Variants in SLC16A1 observed in about 807,000 individuals in gnomAD.
SLC16A1 encodes monocarboxylate transporter 1.
Under a neutral mutation model 32.2 loss-of-function variants are expected in SLC16A1, and 11 were observed. The ratio of observed to expected loss-of-function variants is 0.34; its 90% confidence interval spans 0.21 to 0.56. The LOEUF (loss-of-function observed/expected upper bound fraction) is 0.56. Among genes scored for constraint, SLC16A1 ranks in the 20% least tolerant of loss-of-function variants. The pLI, the probability that SLC16A1 is intolerant of heterozygous loss-of-function variation, is 0.87. For missense variants in SLC16A1, 435 were observed against 615.0 expected, an observed-to-expected ratio of 0.71 and a Z score of 3.10; for synonymous variants, 231 against 226.8, an observed-to-expected ratio of 1.02 and a Z score of -0.17.
chr1:112,935,358 G>A (rs1221490777), intron 1 of SLC16A1, among the ~76,000 whole-genome samples: 1 of 152,092 alleles, frequency 6.6e-6, no homozygotes, highest in Non-Finnish European at 1.5e-5. Flanking sequence ...GCAGTGAGCT[G>A]AGATTGCACT....
At chr1:112,945,728 C>T (rs1231744686) in intron 1 of SLC16A1, among the ~76,000 whole-genome samples, 1 of 151,180 alleles carries the variant, frequency 6.6e-6, no homozygotes. Context: ...TGCGGTGGCT[C>T]ACACCTGTAA....
chr1:112,919,121 C>T (rs1305399809), intron 3 of SLC16A1, among the ~76,000 whole-genome samples: 1 of 151,978 alleles, frequency 6.6e-6, no homozygotes, highest in Non-Finnish European at 1.5e-5. Flanking sequence ...ACCTCCACCT[C>T]CCGGGTTCAC....
At chr1:112,952,663 G>A (rs1649937526) in intron 1 of SLC16A1, among the ~76,000 whole-genome samples, 1 of 152,180 alleles carries the variant, frequency 6.6e-6, no homozygotes, top group East Asian at 1.9e-4. Flanking sequence ...TCTGGGGAAA[G>A]TAGATAGGGG....
At chr1:112,934,635 G>A (rs960833168) in intron 1 of SLC16A1, among the ~76,000 whole-genome samples, 2 of 152,120 alleles carry the variant, frequency 1.3e-5, no homozygotes, top group Non-Finnish European at 2.9e-5. Flanking sequence ...AAAAGGAGAG[G>A]GCAGGCAAAC....
Position 112,913,579 on chromosome 1 carries a change from C to G in SLC16A1, c.*312G>C. The G allele has an allele frequency of 3.1e-6, 1 of 321,556 alleles. No homozygotes were observed. The highest frequency in any genetic ancestry group is 4.4e-5 in the South Asian group (1 of 22,518). The allele number at this position is 321,556 out of a possible 1,614,324, so 19.9% of individuals were successfully genotyped here. A position where few individuals can be genotyped will look rare whatever the true frequency, so the allele number is the denominator to read the frequency against. On this transcript the variant is annotated 3_prime_UTR_variant, in exon 5 of 5. Coordinates refer to ENST00000369626, the MANE Select transcript of SLC16A1 (RefSeq NM_003051.4). ...GCAAAAATGGTTTAAGAAGTTAAGG[C>G]TCTCTAGAGTTCTAAAGACTAAAAC...
rs1056379422 is a variant in SLC16A1, at chr1:112,911,856, G to A, written c.*2035C>T. 3 of 152,212 alleles carry A rather than the reference G, an allele frequency of 2.0e-5. No homozygotes were observed. The highest frequency in any genetic ancestry group is 4.4e-5 in the Non-Finnish European group (3 of 68,038). 9.4% of individuals were successfully genotyped at this position (152,212 alleles called of 1,614,324 possible). ...GATGAGGAAAAAGTTATTTATACTT[G>A]CTTTACTTTTATTTTTTCAGATTTC... On this transcript the variant is annotated 3_prime_UTR_variant, in exon 5 of 5. Transcript: ENST00000369626.
At chr1:112,922,389 A>C (rs1012558186) in intron 2 of SLC16A1, 1 of 500,000 alleles carries the variant, frequency 2.0e-6, no homozygotes, top group African/African-American at 1.9e-5. Context: ...AGTTATCCTT[A>C]ATCTTTCTCT....
At position 112,917,170 on chromosome 1, in the gene SLC16A1, T is replaced by C; in HGVS notation, c.1228+8A>G. The C allele has an allele frequency of 6.2e-7, 1 of 1,614,124 alleles. No individual in the cohort carries two copies. The highest frequency in any genetic ancestry group is 8.5e-7 in the Non-Finnish European group (1 of 1,180,008). On this transcript the variant is annotated splice_region_variant and intron_variant, in intron 4 of 4. Transcript: ENST00000369626. The surrounding 1 kb of genome is among the most constrained non-coding windows in gnomAD (Gnocchi z 4.1). Reference sequence around the variant, plus strand: ...ATAGACCCACATTAGTAGGGAGATATACTATACCTAAAAGTGGTGGCCCCA... The same window carrying C: ...ATAGACCCACATTAGTAGGGAGATACACTATACCTAAAAGTGGTGGCCCCA...
intron 1 of SLC16A1, among the ~76,000 whole-genome samples, chr1:112,930,370 A>T (rs1232753008): frequency 1.3e-5 from 2 of 151,936 alleles, no homozygotes; most frequent in Non-Finnish European, 2.9e-5. Flanking sequence ...GTGTTTTGTG[A>T]TGTGCTGAGT....
At chr1:112,932,469 G>A (rs966118764) in intron 1 of SLC16A1, among the ~76,000 whole-genome samples, 10 of 151,860 alleles carry the variant, frequency 6.6e-5, no homozygotes, top group African/African-American at 1.9e-4. Context: ...GGAATTTGAG[G>A]TTACAGTGAC....
chr1:112,952,674 AAG>A (rs1649938596), intron 1 of SLC16A1, among the ~76,000 whole-genome samples: 1 of 152,154 alleles, frequency 6.6e-6, no homozygotes, highest in Non-Finnish European at 1.5e-5. Flanking sequence ...TAGATAGGGG[AAG>A]AGAGAAATCG....
At chr1:112,927,555 T>A (rs1648984842) in intron 2 of SLC16A1, among the ~76,000 whole-genome samples, 1 of 152,204 alleles carries the variant, frequency 6.6e-6, no homozygotes, top group African/African-American at 2.4e-5. Context: ...ACAACCCATT[T>A]AGTAAAAATT....
At chr1:112,926,854 G>A (rs1211054269) in intron 2 of SLC16A1, among the ~76,000 whole-genome samples, 1 of 151,546 alleles carries the variant, frequency 6.6e-6, no homozygotes, top group African/African-American at 2.4e-5. Context: ...ACTCCAGCCT[G>A]AGTGACAGAG....
chr1:112,924,225 G>T (rs1346996176), intron 2 of SLC16A1: 4 of 1,515,558 alleles, frequency 2.6e-6, no homozygotes, highest in African/African-American at 1.4e-5. Flanking sequence ...GTCCAGCTTG[G>T]AGCAGTTGGA....
At chr1:112,946,629 C>T (rs764512006) in intron 1 of SLC16A1, among the ~76,000 whole-genome samples, 6 of 152,258 alleles carry the variant, frequency 3.9e-5, no homozygotes, top group African/African-American at 4.8e-5. Context: ...TCTCGGCTCA[C>T]TGCAACCTCC....
intron 1 of SLC16A1, among the ~76,000 whole-genome samples, chr1:112,943,370 G>T (rs748428094): frequency 6.6e-6 from 1 of 152,060 alleles, no homozygotes; most frequent in Non-Finnish European, 1.5e-5. Flanking sequence ...AGGAAGAATG[G>T]GGTATACTTT....
chr1:112,945,277 A>C (rs1007003711), intron 1 of SLC16A1, among the ~76,000 whole-genome samples: 5 of 151,974 alleles, frequency 3.3e-5, no homozygotes, highest in African/African-American at 1.2e-4. Context: ...TTATAGGCAT[A>C]AGCCACTGTG....
Position 112,917,272 on chromosome 1 carries a change from C to T in SLC16A1, c.1134G>A (p.Leu378=), listed in dbSNP as rs1648546370. 1.2e-6 allele frequency: 2 copies of T among 1,614,202 alleles called. No homozygotes were observed. Among genetic ancestry groups the T allele is most frequent in the Middle Eastern group, 3.3e-4 (2 of 6,062 alleles). ...GWLSSVLFET[L]MDLVGPQRFS... is the part of the protein sequence containing the mutation. ...ACCTCTGGGGTCCAACAAGGTCCAT[C>T]AATGTTTCAAACAATACGGAGCTGA... Residue 378 remains leucine, a synonymous_variant, in exon 4 of 5, where the codon TTG becomes TTA. Coordinates refer to ENST00000369626, the MANE Select transcript of SLC16A1 (RefSeq NM_003051.4). The surrounding 1 kb of genome is among the most constrained non-coding windows in gnomAD (Gnocchi z 4.1).
rs606231301 is a variant in SLC16A1, at chr1:112,917,906, AC to A, written c.499del (p.Val167PhefsTer13). On this transcript the variant is annotated frameshift_variant, in exon 4 of 5. Transcript: ENST00000369626. LOFTEE classifies it high-confidence loss of function. This position sits in a 1 kb window ranked among gnomAD's most constrained non-coding sequence, Gnocchi z 4.1. ...TCTCCATCCAAAGATACCGAAGAAA[AC>A]CTGATTGAGGGGGGCCAGAGTACAG... Reference protein sequence around the residue: ...FLCTLAPLNQVFFGIFGWRGS... With the variant: ...FLCTLAPLNQXFFGIFGWRGS... 3.7e-6 allele frequency: 6 copies of A among 1,606,844 alleles called. No homozygotes were observed. The highest frequency in any genetic ancestry group is 5.1e-6 in the Non-Finnish European group (6 of 1,176,904).
Sources: gnomAD v4.1 joint callset for allele counts (sites outside exome capture counted in the v4.1 genomes callset) on GRCh38, gnomAD v4.1.1 for gene constraint, Gnocchi (gnomAD v3.1) non-coding constraint, MANE v1.5 for transcripts, NCBI Gene and HGNC (gene_info 2026-07-23, HGNC 2026-07-21) for gene names.